DPYSL3: variants seen among roughly 807,000 people sequenced by gnomAD.
The protein encoded by DPYSL3 is dihydropyrimidinase-related protein 3.
DPYSL3 carries 16 observed loss-of-function variants against 66.1 expected under a neutral mutation model. That is an observed-to-expected ratio of 0.24 (90% confidence interval 0.16 to 0.37). The LOEUF is 0.37. Among genes scored for constraint, DPYSL3 ranks in the 10% least tolerant of loss-of-function variants. DPYSL3 has a pLI of 1.00. For missense variants in DPYSL3, 738 were observed against 916.2 expected, an observed-to-expected ratio of 0.81 and a Z score of 2.51; for synonymous variants, 338 against 345.1, an observed-to-expected ratio of 0.98 and a Z score of 0.23.
intron 1 of DPYSL3, among the ~76,000 whole-genome samples, chr5:147,464,584 C>A (rs1752984612): frequency 6.6e-6 from 1 of 152,152 alleles, no homozygotes; most frequent in Admixed American, 6.5e-5. Flanking sequence ...TGTATAGTAC[C>A]TTTGTGAACT....
chr5:147,469,560 A>T (rs1753055660), intron 1 of DPYSL3, among the ~76,000 whole-genome samples: 2 of 152,246 alleles, frequency 1.3e-5, no homozygotes, highest in Admixed American at 6.5e-5. Flanking sequence ...CAGATTAATT[A>T]AAATATTGCA....
intron 1 of DPYSL3, among the ~76,000 whole-genome samples, chr5:147,505,423 C>T (rs150488796): frequency 3.3e-5 from 5 of 152,122 alleles, no homozygotes; most frequent in South Asian, 2.1e-4. Flanking sequence ...TTAGTAGAGA[C>T]GGGGGTTTCA....
intron 12 of DPYSL3, among the ~76,000 whole-genome samples, chr5:147,395,923 A>G (rs1294483175): frequency 6.6e-6 from 1 of 152,166 alleles, no homozygotes; most frequent in African/African-American, 2.4e-5. Context: ...GTGGTCAGTG[A>G]AGGCCCTTCT....
intron 1 of DPYSL3, among the ~76,000 whole-genome samples, chr5:147,457,870 A>G (rs1223082564): frequency 6.6e-6 from 1 of 152,214 alleles, no homozygotes; most frequent in East Asian, 1.9e-4. Context: ...AGAGGAGAAT[A>G]TCTTTGCACA....
intron 1 of DPYSL3, among the ~76,000 whole-genome samples, chr5:147,426,041 C>T (rs867499111): frequency 2.7e-5 from 4 of 149,606 alleles, no homozygotes; most frequent in Non-Finnish European, 4.5e-5. Context: ...ATCCATCCAT[C>T]CATTCATCCA....
chr5:147,493,346 G>A (rs560659870), intron 1 of DPYSL3, among the ~76,000 whole-genome samples: 1 of 152,304 alleles, frequency 6.6e-6, no homozygotes, highest in South Asian at 2.1e-4. Context: ...GTGGAAGCAG[G>A]GGAATCATTT....
At position 147,405,673 on chromosome 5, in the gene DPYSL3, G is replaced by C; in HGVS notation, c.1090C>G (p.Leu364Val). The C allele has an allele frequency of 1.2e-6, 2 of 1,614,138 alleles. No individual in the cohort carries two copies. Among genetic ancestry groups the C allele is most frequent in the Non-Finnish European group, 1.7e-6 (2 of 1,179,992 alleles). ...TTGCTCATGACCTTTGTGACGTAGA[G>C]AGGGCAATTGGTTTGGCTGGCAATG... Reference protein sequence around the residue: ...ITIASQTNCPLYVTKVMSKSA... With the variant: ...ITIASQTNCPVYVTKVMSKSA... Residue 364 changes from leucine (L) to valine (V), a missense_variant, in exon 8 of 14, where the codon CTC becomes GTC. Transcript: ENST00000343218.
intron 1 of DPYSL3, among the ~76,000 whole-genome samples, chr5:147,428,562 T>C (rs1381873145): frequency 6.6e-6 from 1 of 152,102 alleles, no homozygotes; most frequent in East Asian, 1.9e-4. Context: ...CAAAAAAGTG[T>C]TTGTCTATGA....
intron 1 of DPYSL3, among the ~76,000 whole-genome samples, chr5:147,473,745 T>C (rs1242893147): frequency 3.9e-5 from 6 of 152,122 alleles, no homozygotes; most frequent in Non-Finnish European, 7.4e-5. Context: ...CCTTTGCAGT[T>C]AAATGGTGAT....
intron 1 of DPYSL3, among the ~76,000 whole-genome samples, chr5:147,477,758 A>ATTT (rs1252199396): frequency 6.7e-6 from 1 of 150,126 alleles, no homozygotes; most frequent in African/African-American, 2.5e-5. Context: ...AATTTTTTGT[A>ATTT]TTTTTAGTAG....
intron 1 of DPYSL3, among the ~76,000 whole-genome samples, chr5:147,477,740 G>T (rs1043284034): frequency 6.7e-6 from 1 of 150,346 alleles, no homozygotes; most frequent in African/African-American, 2.4e-5. Flanking sequence ...CCGCCACCGC[G>T]CCCGGCTAAT....
Position 147,393,808 on chromosome 5 carries a change from G to A in DPYSL3, c.*227C>T. 1 of 552,158 alleles carries A rather than the reference G, an allele frequency of 1.8e-6. No individual in the cohort carries two copies. Among genetic ancestry groups the A allele is most frequent in the Non-Finnish European group, 3.2e-6 (1 of 308,360 alleles). The allele number at this position is 552,158 out of a possible 1,614,324, so 34.2% of individuals were successfully genotyped here. A position where few individuals can be genotyped will look rare whatever the true frequency, so the allele number is the denominator to read the frequency against. On this transcript the variant is annotated 3_prime_UTR_variant, in exon 14 of 14. Transcript: ENST00000343218. Reference sequence around the variant, plus strand: ...CTGTCTGATTGCATGCATGTAAATGGGGGGAGGGGAGTCAAACAAATCAAG... The same window carrying A: ...CTGTCTGATTGCATGCATGTAAATGAGGGGAGGGGAGTCAAACAAATCAAG...
Position 147,502,215 on chromosome 5 carries a change from C to G in DPYSL3, c.381+7263G>C, listed in dbSNP as rs138417275. 4.3e-3 allele frequency among the ~76,000 whole-genome samples: 657 copies of G among 152,164 alleles called. 4 individuals are homozygous for G. The highest frequency in any genetic ancestry group is 0.015 in the African/African-American group (625 of 41,502). The stretch of plus-strand genomic sequence containing the variant: ...GCACCAACCCCATTCATGAGGGCAC[C>G]ACGCTCATGACCAAATCAGTATCAT... On this transcript the variant is annotated intron_variant, in intron 1 of 13. Coordinates refer to ENST00000343218, the MANE Select transcript of DPYSL3 (RefSeq NM_001197294.2).
At chr5:147,433,774 C>G (rs569542300) in intron 1 of DPYSL3, among the ~76,000 whole-genome samples, 51 of 152,222 alleles carry the variant, frequency 3.4e-4, no homozygotes, top group Non-Finnish European at 5.7e-4. Flanking sequence ...TGGCTCACGC[C>G]TGTAATCCCA....
chr5:147,412,736 C>T, intron 5 of DPYSL3, 48 bp from the exon 6 acceptor site: 1 of 1,552,744 alleles, frequency 6.4e-7, no homozygotes, highest in Non-Finnish European at 8.8e-7. Flanking sequence ...CTTTTAGCAG[C>T]CCCACAGAAG....
At chr5:147,477,109 G>A (rs1024648310) in intron 1 of DPYSL3, among the ~76,000 whole-genome samples, 12 of 152,086 alleles carry the variant, frequency 7.9e-5, no homozygotes, top group Non-Finnish European at 1.5e-4. Flanking sequence ...TGTTTAAACG[G>A]ACAAAATTCC....
chr5:147,407,898 T>C (rs1256496088), intron 7 of DPYSL3, among the ~76,000 whole-genome samples: 1 of 152,170 alleles, frequency 6.6e-6, no homozygotes, highest in African/African-American at 2.4e-5. Context: ...TAGCTAAGTG[T>C]ATCTGGTTTG....
At chr5:147,442,800 C>T (rs922452267) in intron 1 of DPYSL3, among the ~76,000 whole-genome samples, 14 of 151,256 alleles carry the variant, frequency 9.3e-5, no homozygotes, top group Admixed American at 6.6e-4. Context: ...CATAAAACAG[C>T]GTAAACAATA....
At chr5:147,432,220 C>T (rs1752328573) in intron 1 of DPYSL3, among the ~76,000 whole-genome samples, 1 of 152,190 alleles carries the variant, frequency 6.6e-6, no homozygotes, top group African/African-American at 2.4e-5. Flanking sequence ...GAATACATAA[C>T]ACATGGAAAG....
Sources: allele counts gnomAD v4.1 joint callset (sites outside exome capture counted in the v4.1 genomes callset), GRCh38; gene constraint gnomAD v4.1.1; transcripts MANE v1.5; gene names NCBI Gene and HGNC (gene_info 2026-07-23, HGNC 2026-07-21).